SLC38A10: variants seen among roughly 807,000 people sequenced by gnomAD.
The protein encoded by SLC38A10 is Sodium-coupled neutral amino acid transporter 10.
A neutral mutation model predicts 81.0 loss-of-function variants in SLC38A10; 53 were observed. The ratio of observed to expected loss-of-function variants is 0.65; its 90% CI spans 0.53 to 0.82. SLC38A10 has a LOEUF of 0.82. Ranked by LOEUF, SLC38A10 falls within the 40% of genes least tolerant of loss-of-function variation. The pLI is 0.00. For missense variants in SLC38A10, 1,471 were observed against 1,545.0 expected, an observed-to-expected ratio of 0.95 and a Z score of 0.80; for synonymous variants, 665 against 655.3, an observed-to-expected ratio of 1.01 and a Z score of -0.23.
At chr17:81,272,763 A>C in intron 8 of SLC38A10, 136 bp from the exon 9 acceptor site, 2 of 529,656 alleles carry the variant, frequency 3.8e-6, no homozygotes, top group Non-Finnish European at 6.5e-6. Flanking sequence ...CTCACCTGGC[A>C]GGTGAGCCTG....
At chr17:81,278,816 G>A (rs1004786938) in intron 6 of SLC38A10, among the ~76,000 whole-genome samples, 11 of 152,164 alleles carry the variant, frequency 7.2e-5, no homozygotes, top group Admixed American at 5.2e-4. Flanking sequence ...TGTGGGGAGT[G>A]ACCCCCAAGG....
intron 13 of SLC38A10, 141 bp downstream of exon 13, chr17:81,252,054 G>T: frequency 8.1e-7 from 1 of 1,241,080 alleles, no homozygotes. Context: ...AGCTGCCGGG[G>T]CCCGCTCCAT....
At chr17:81,255,057 G>A (rs1019357080) in intron 11 of SLC38A10, among the ~76,000 whole-genome samples, 1 of 152,290 alleles carries the variant, frequency 6.6e-6, no homozygotes, top group African/African-American at 2.4e-5. Context: ...GGGGAGCTCT[G>A]TGTGGGTGCA....
intron 8 of SLC38A10, among the ~76,000 whole-genome samples, chr17:81,273,118 A>C (rs1489553672): frequency 6.6e-6 from 1 of 152,196 alleles, no homozygotes; most frequent in East Asian, 1.9e-4. Flanking sequence ...AGCAGTGAGC[A>C]ATTTCAAAGT....
At position 81,276,370 on chromosome 17, in the gene SLC38A10, ATTTC is replaced by A. The variant is rs1327017509; in HGVS notation, c.730-223_730-220del. Among the ~76,000 whole-genome samples the A allele has an allele frequency of 6.7e-6, 1 of 148,212 alleles. No individual in the cohort carries two copies. The highest frequency in any genetic ancestry group is 2.5e-5 in the African/African-American group (1 of 40,174). ...CTCTAGTTTCTGTAAGAACATGCCC[ATTTC>A]TTTCTTTTTCTTTCTTTTTTTTTTT... is the stretch of plus-strand genomic sequence containing the variant. On this transcript the variant is annotated intron_variant, in intron 7 of 15. Transcript: ENST00000374759. This position sits in a 1 kb window ranked among gnomAD's most constrained non-coding sequence, Gnocchi z 4.7.
In SLC38A10 at chr17:81,277,744, C is replaced by A. The variant is rs2063174834; in HGVS notation, c.627-611G>T. On this transcript the variant is annotated intron_variant, in intron 6 of 15. Transcript: ENST00000374759. This position sits in a 1 kb window ranked among gnomAD's most constrained non-coding sequence, Gnocchi z 4.5. ...GCCAGGCAAGGACATGACAGCCCTG[C>A]ACAGGCAGCAGACGCATCCGAGGGA... Among the ~76,000 whole-genome samples the A allele has an allele frequency of 6.6e-6, 1 of 152,208 alleles. No individual in the cohort carries two copies. Among genetic ancestry groups the A allele is most frequent in the East Asian group, 1.9e-4 (1 of 5,190 alleles).
chr17:81,270,633 C>T lies in SLC38A10; in HGVS notation c.1131+285G>A, dbSNP rs891732891. On this transcript the variant is annotated intron_variant, in intron 10 of 15. Coordinates refer to ENST00000374759, the MANE Select transcript of SLC38A10 (RefSeq NM_001037984.3). The surrounding 1 kb of genome is among the most constrained non-coding windows in gnomAD (Gnocchi z 4.0). ...AGCAGGTCCATGGGCAATCAGGCAT[C>T]GCAGAAACACCATGGGGAAAGCGCT... Among the ~76,000 whole-genome samples the T allele has an allele frequency of 4.6e-5, 7 of 152,220 alleles. No homozygotes were observed. Among genetic ancestry groups the T allele is most frequent in the African/African-American group, 1.4e-4 (6 of 41,520 alleles).
At position 81,286,268 on chromosome 17, in the gene SLC38A10, C is replaced by A. The variant is rs1567948308; in HGVS notation, c.218-1373G>T. 6.6e-6 allele frequency among the ~76,000 whole-genome samples: 1 copy of A among 152,324 alleles called. No individual in the cohort carries two copies. Among genetic ancestry groups the A allele is most frequent in the South Asian group, 2.1e-4 (1 of 4,834 alleles). On this transcript the variant is annotated intron_variant, in intron 2 of 15. Transcript: ENST00000374759. This position sits in a 1 kb window ranked among gnomAD's most constrained non-coding sequence, Gnocchi z 6.0. ...GAGTCTCTACAGCATATTCCAAACA[C>A]GAGCGCACCTTGCCCAAGAAGGTTC...
rs1205262402 is a variant in SLC38A10 at position 81,289,086 on chromosome 17, G to A, written c.217+605C>T. 1 of 152,228 alleles carries A rather than the reference G, an allele frequency of 6.6e-6. No individual in the cohort carries two copies. Among genetic ancestry groups the A allele is most frequent in the Non-Finnish European group, 1.5e-5 (1 of 68,074 alleles). The allele number at this position is 152,228 out of a possible 1,614,324, so 9.4% of individuals were successfully genotyped here. A position where few individuals can be genotyped will look rare whatever the true frequency, so the allele number is the denominator to read the frequency against. ...GACAGAGTCTCACTCTGGCACCAAG[G>A]CTCGAGTGCAGTGGCGTGATCTCAG... is the stretch of plus-strand genomic sequence containing the variant. On this transcript the variant is annotated intron_variant, in intron 2 of 15. Coordinates refer to ENST00000374759, the MANE Select transcript of SLC38A10 (RefSeq NM_001037984.3). The surrounding 1 kb of genome is among the most constrained non-coding windows in gnomAD (Gnocchi z 5.9).
chr17:81,270,952 T>C lies in SLC38A10; in HGVS notation c.1097A>G (p.Tyr366Cys). 1.2e-6 allele frequency: 2 copies of C among 1,613,954 alleles called. No individual in the cohort carries two copies. The highest frequency in any genetic ancestry group is 1.7e-6 in the Non-Finnish European group (2 of 1,180,014). Residue 366 changes from tyrosine (Y) to cysteine (C), a missense_variant, in exon 10 of 16, where the codon TAC becomes TGC. By Grantham distance (194) the Tyr-to-Cys change is radical. Coordinates refer to ENST00000374759, the MANE Select transcript of SLC38A10 (RefSeq NM_001037984.3). The surrounding 1 kb of genome is among the most constrained non-coding windows in gnomAD (Gnocchi z 4.0). ...LICFICPALI[Y>C]KKIHKNALSS... is the part of the protein sequence containing the mutation. Reference sequence around the variant, plus strand: ...AAGTGCGTTCTTGTGGATTTTCTTGTAGATCAGCGCCGGGCAGATGAAGCA... The same window carrying C: ...AAGTGCGTTCTTGTGGATTTTCTTGCAGATCAGCGCCGGGCAGATGAAGCA...
At chr17:81,249,986 C>G in intron 14 of SLC38A10, 2 of 1,205,662 alleles carry the variant, frequency 1.7e-6, no homozygotes, top group Admixed American at 5.3e-5. Context: ...GTCCCTGGGG[C>G]AGGTGTGCCA....
At chr17:81,278,513 T>C (rs1356343105) in intron 6 of SLC38A10, among the ~76,000 whole-genome samples, 1 of 152,100 alleles carries the variant, frequency 6.6e-6, no homozygotes, top group African/African-American at 2.4e-5. Context: ...TCAGCAGCAG[T>C]CAGGGGACCC....
At chr17:81,282,090 G>A in intron 5 of SLC38A10, 99 bp downstream of exon 5, 2 of 1,528,108 alleles carry the variant, frequency 1.3e-6, no homozygotes, top group Non-Finnish European at 1.8e-6. Flanking sequence ...GAGGCAGCAG[G>A]CGGCCACACC....
At chr17:81,280,309 G>C in intron 6 of SLC38A10, 2 of 504,452 alleles carry the variant, frequency 4.0e-6, no homozygotes, top group Non-Finnish European at 7.4e-6. Context: ...TGTGCAGTCA[G>C]ATGGCTGGGT....
chr17:81,280,521 C>T (rs2063200864), intron 6 of SLC38A10, 88 bp downstream of exon 6: 8 of 1,561,754 alleles, frequency 5.1e-6, no homozygotes, highest in East Asian at 2.3e-5. Flanking sequence ...AGAGCGATCA[C>T]AGTAAACGAG....
At chr17:81,282,726 G>A (rs556627381) in intron 4 of SLC38A10, among the ~76,000 whole-genome samples, 10 of 152,328 alleles carry the variant, frequency 6.6e-5, no homozygotes, top group African/African-American at 2.2e-4. Context: ...CCACTACGAA[G>A]CACGGAAAAC....
Position 81,283,098 on chromosome 17 carries a change from C to T in SLC38A10, c.357+311G>A, listed in dbSNP as rs567029763. Among the ~76,000 whole-genome samples the T allele has an allele frequency of 5.3e-5, 8 of 152,262 alleles. No individual in the cohort carries two copies. The highest frequency in any genetic ancestry group is 2.1e-4 in the South Asian group (1 of 4,830). ...GGCCGGGGATGCCTGAGGGCCTGGC[C>T]GCCTCTGCCCTCCAATGGGCAGCCC... On this transcript the variant is annotated intron_variant, in intron 4 of 15. Coordinates refer to ENST00000374759, the MANE Select transcript of SLC38A10 (RefSeq NM_001037984.3). The surrounding 1 kb of genome is among the most constrained non-coding windows in gnomAD (Gnocchi z 4.7).
rs759537218 is a variant in SLC38A10 at position 81,277,014 on chromosome 17, C to T, written c.729+17G>A. Reference sequence around the variant, plus strand: ...TGGCATGACACAGGGGCGGAGAGGGCGTGGCAAGGCTCTTACCATGACGTA... The same window carrying T: ...TGGCATGACACAGGGGCGGAGAGGGTGTGGCAAGGCTCTTACCATGACGTA... On this transcript the variant is annotated intron_variant, in intron 7 of 15. Transcript: ENST00000374759. The surrounding 1 kb of genome is among the most constrained non-coding windows in gnomAD (Gnocchi z 4.5). 1.1e-5 allele frequency: 18 copies of T among 1,609,468 alleles called. No individual in the cohort carries two copies. Among genetic ancestry groups the T allele is most frequent in the East Asian group, 2.2e-5 (1 of 44,822 alleles).
chr17:81,277,048 T>C lies in SLC38A10; in HGVS notation c.712A>G (p.Thr238Ala), dbSNP rs757040845. 1 of 1,613,972 alleles carries C rather than the reference T, an allele frequency of 6.2e-7. No individual in the cohort carries two copies. The highest frequency in any genetic ancestry group is 1.1e-5 in the South Asian group (1 of 91,084). Residue 238 changes from threonine to alanine, a missense_variant, in exon 7 of 16, where the codon ACC becomes GCC. Transcript: ENST00000374759. This position sits in a 1 kb window ranked among gnomAD's most constrained non-coding sequence, Gnocchi z 4.5. ...SIFASSLNVVTTFYVMVGFFG... is the reference protein window; with the variant it reads ...SIFASSLNVVATFYVMVGFFG... Reference sequence around the variant, plus strand: ...GCTCTTACCATGACGTAGAAGGTGGTGACCACATTAAGGGAGGAAGCAAAT... The same window carrying C: ...GCTCTTACCATGACGTAGAAGGTGGCGACCACATTAAGGGAGGAAGCAAAT...
Sources: allele counts gnomAD v4.1 joint callset (sites outside exome capture counted in the v4.1 genomes callset), GRCh38; gene constraint gnomAD v4.1.1; non-coding constraint Gnocchi (gnomAD v3.1); transcripts MANE v1.5; gene names NCBI Gene and HGNC (gene_info 2026-07-23, HGNC 2026-07-21).